The following SGSM1 variants were observed in gnomAD, a reference collection of about 807,000 sequenced individuals.
SGSM1 encodes RUN and TBC1 domain containing 2.
Under a neutral mutation model 133.8 loss-of-function variants are expected in SGSM1, and 73 were observed. That is an observed-to-expected ratio of 0.55 (90% CI 0.45 to 0.66). The LOEUF is 0.66. SGSM1 is among the 30% of genes least tolerant of loss of function. SGSM1 has a pLI of 0.00. For synonymous variants in SGSM1, 563 were observed against 573.0 expected, an observed-to-expected ratio of 0.98 and a Z score of 0.25; for missense variants, 1,213 against 1,448.1, an observed-to-expected ratio of 0.84 and a Z score of 2.64.
chr22:24,838,047 G>A (rs139652), intron 2 of SGSM1, among the ~76,000 whole-genome samples: 118,873 of 152,182 alleles, frequency 0.78, 47,038 homozygotes, highest in African/African-American at 0.88. Flanking sequence ...CCGTTTTCTT[G>A]TATGATTTTT....
At chr22:24,916,575 G>A (rs956074200) in intron 22 of SGSM1, among the ~76,000 whole-genome samples, 14 of 152,046 alleles carry the variant, frequency 9.2e-5, no homozygotes, top group Non-Finnish European at 1.9e-4. Context: ...GCGGGCGCCT[G>A]TAATCCCAGC....
intron 8 of SGSM1, among the ~76,000 whole-genome samples, chr22:24,858,635 C>CAAAAAAAAAAAAAAA (rs139699): frequency 3.3e-4 from 27 of 83,016 alleles, no homozygotes; most frequent in African/African-American, 8.6e-4. Flanking sequence ...GACTCCATCT[C>CAAAAAAAAAAAAAAA]AAAAAAAAAA....
chr22:24,818,637 G>A (rs888235284), intron 2 of SGSM1, among the ~76,000 whole-genome samples: 4 of 151,806 alleles, frequency 2.6e-5, no homozygotes, highest in African/African-American at 9.7e-5. Context: ...AGAGTGCTGG[G>A]ATTACAGGTG....
At chr22:24,837,366 T>C (rs1463522249) in intron 2 of SGSM1, among the ~76,000 whole-genome samples, 1 of 152,164 alleles carries the variant, frequency 6.6e-6, no homozygotes, top group Non-Finnish European at 1.5e-5. Context: ...GGACTATTAG[T>C]ATTTTCACTA....
At position 24,912,541 on chromosome 22, in the gene SGSM1, A is replaced by G. The variant is rs1284941569; in HGVS notation, c.2819-102A>G. 5 of 769,858 alleles carry G rather than the reference A, an allele frequency of 6.5e-6. No individual in the cohort carries two copies. The Admixed American group carries it at 1.0e-4, about 15-fold the overall frequency. The allele number at this position is 769,858 out of a possible 1,614,324, so 47.7% of individuals were successfully genotyped here. ...AAAATACAAAAAAGGTCCACCCCCA[A>G]CATTGGAGGTCATATTTCAACATGA... On this transcript the variant is annotated intron_variant, in intron 21 of 24. Transcript: ENST00000400358.
Position 24,811,868 on chromosome 22 carries a change from C to CAAAA in SGSM1, c.63+5398_63+5401dup, listed in dbSNP as rs757643471. ...AAGGCAACAGAGCGAGACCCTGTCT[C>CAAAA]AAAAAAAAAAAAAAAAATTATGACC... is the stretch of plus-strand genomic sequence containing the variant. On this transcript the variant is annotated intron_variant, in intron 2 of 24. Coordinates refer to ENST00000400358, the MANE Select transcript of SGSM1 (RefSeq NM_001098497.3). Among the ~76,000 whole-genome samples the CAAAA allele has an allele frequency of 6.6e-5, 8 of 122,120 alleles. No homozygotes were observed. In the East Asian group the frequency reaches 7.7e-4, roughly 12 times the overall value. The allele number at this position is 122,120 out of a possible 152,430, so 80.1% of individuals were successfully genotyped here. A position where few individuals can be genotyped will look rare whatever the true frequency, so the allele number is the denominator to read the frequency against.
chr22:24,908,017 A>G (rs951006459), intron 21 of SGSM1, among the ~76,000 whole-genome samples: 1 of 152,010 alleles, frequency 6.6e-6, no homozygotes, highest in African/African-American at 2.4e-5. Context: ...AAGGATCAAC[A>G]TGTAGATCAA....
intron 2 of SGSM1, among the ~76,000 whole-genome samples, chr22:24,833,058 C>A (rs987734095): frequency 6.6e-6 from 1 of 151,950 alleles, no homozygotes; most frequent in African/African-American, 2.4e-5. Flanking sequence ...CCTCAGCCTC[C>A]CGAGTAGCTG....
At chr22:24,849,395 A>C (rs776174731) in intron 4 of SGSM1, among the ~76,000 whole-genome samples, 1 of 152,118 alleles carries the variant, frequency 6.6e-6, no homozygotes, top group Non-Finnish European at 1.5e-5. Context: ...CTCTACTAAA[A>C]ATACAAAATT....
At chr22:24,823,548 C>T (rs972739441) in intron 2 of SGSM1, among the ~76,000 whole-genome samples, 1 of 152,014 alleles carries the variant, frequency 6.6e-6, no homozygotes, top group Non-Finnish European at 1.5e-5. Flanking sequence ...TTGCAGTGAG[C>T]CGAAATTGCG....
chr22:24,876,241 C>T (rs1932017917), intron 12 of SGSM1, among the ~76,000 whole-genome samples: 1 of 152,190 alleles, frequency 6.6e-6, no homozygotes, highest in Admixed American at 6.5e-5. Flanking sequence ...CCCCTTCCCT[C>T]CTGCAGCATC....
At position 24,925,356 on chromosome 22, in the gene SGSM1, C is replaced by CAAA; in HGVS notation, c.*1091_*1093dup. The CAAA allele has an allele frequency of 6.9e-6, 1 of 145,238 alleles. No individual in the cohort carries two copies. Among genetic ancestry groups the CAAA allele is most frequent in the Non-Finnish European group, 1.5e-5 (1 of 65,944 alleles). 9.0% of individuals were successfully genotyped at this position (145,238 alleles called of 1,614,324 possible). A position where few individuals can be genotyped will look rare whatever the true frequency, so the allele number is the denominator to read the frequency against. ...CGGGCGACAGTTCAAGACTCCATCT[C>CAAA]AAAAAAAAAAAGAAAAGGCACACAA... On this transcript the variant is annotated 3_prime_UTR_variant, in exon 25 of 25. Coordinates refer to ENST00000400358, the MANE Select transcript of SGSM1 (RefSeq NM_001098497.3).
chr22:24,858,004 A>G (rs1254993805), intron 8 of SGSM1, among the ~76,000 whole-genome samples: 1 of 152,124 alleles, frequency 6.6e-6, no homozygotes, highest in Non-Finnish European at 1.5e-5. Context: ...TTTGGAGACA[A>G]GGTCTCACTG....
intron 13 of SGSM1, among the ~76,000 whole-genome samples, chr22:24,877,295 C>T (rs1211267982): frequency 6.6e-6 from 1 of 152,194 alleles, no homozygotes; most frequent in African/African-American, 2.4e-5. Context: ...CAGTTCTTAA[C>T]TTTATATGGC....
chr22:24,843,986 C>T (rs568899358), intron 2 of SGSM1: 57 of 150,692 alleles, frequency 3.8e-4, no homozygotes, highest in African/African-American at 1.4e-3. Context: ...GATTTGAACT[C>T]AGGTCTACCT....
At chr22:24,893,328 G>T in intron 16 of SGSM1, 103 bp from the exon 17 acceptor site, 2 of 1,227,698 alleles carry the variant, frequency 1.6e-6, no homozygotes, top group Non-Finnish European at 2.3e-6. Flanking sequence ...TGTTAACTGC[G>T]TGAATGTTGG....
chr22:24,917,513 C>T, intron 22 of SGSM1, 145 bp from the exon 23 acceptor site: 1 of 555,618 alleles, frequency 1.8e-6, no homozygotes, highest in Non-Finnish European at 3.2e-6. Context: ...AATGTCTATT[C>T]AGATCTTTTC....
At chr22:24,826,697 G>GCC in intron 2 of SGSM1, among the ~76,000 whole-genome samples, 1 of 152,254 alleles carries the variant, frequency 6.6e-6, no homozygotes. Flanking sequence ...CAGGTGTGAG[G>GCC]CCCTGTTTTA....
At chr22:24,873,430 T>A (rs755438645) in intron 12 of SGSM1, among the ~76,000 whole-genome samples, 4 of 151,934 alleles carry the variant, frequency 2.6e-5, no homozygotes, top group Non-Finnish European at 5.9e-5. Flanking sequence ...AGCACCTAAT[T>A]AATCCCCAAG....
Sources: gnomAD v4.1 joint callset for allele counts (sites outside exome capture counted in the v4.1 genomes callset) on GRCh38, gnomAD v4.1.1 for gene constraint, MANE v1.5 for transcripts, NCBI Gene and HGNC (gene_info 2026-07-23, HGNC 2026-07-21) for gene names.